The following NMBR variants were observed in gnomAD, a reference collection of about 807,000 sequenced individuals.
The protein encoded by NMBR is neuromedin-B receptor.
In NMBR, 16 loss-of-function variants were observed where a neutral mutation model predicts 20.5. That is an observed-to-expected ratio of 0.78 (90% CI 0.53 to 1.19). The LOEUF is 1.19. Ranked by LOEUF, NMBR falls within the 50% of genes most tolerant of loss-of-function variation. NMBR has a pLI of 0.00. For missense variants in NMBR, 582 were observed against 499.1 expected, an observed-to-expected ratio of 1.17 and a Z score of -1.58; for synonymous variants, 212 against 196.6, an observed-to-expected ratio of 1.08 and a Z score of -0.65.
intron 1 of NMBR, among the ~76,000 whole-genome samples, chr6:142,112,413 T>C (rs1423766444): frequency 2.6e-5 from 4 of 151,450 alleles, no homozygotes; most frequent in African/African-American, 9.7e-5. Flanking sequence ...AGATGCTTTA[T>C]TTTTTTCAAA....
intron 1 of NMBR, among the ~76,000 whole-genome samples, chr6:142,092,491 G>C (rs1028307447): frequency 2.6e-5 from 4 of 152,164 alleles, no homozygotes; most frequent in African/African-American, 9.6e-5. Context: ...TGAGACCACG[G>C]GGGTGGGAAG....
intron 1 of NMBR, among the ~76,000 whole-genome samples, chr6:142,105,120 C>G (rs1017693575): frequency 7.4e-6 from 1 of 135,182 alleles, no homozygotes; most frequent in Non-Finnish European, 1.5e-5. Context: ...GGGAATATCA[C>G]AAAGTACATT....
Position 142,103,439 on chromosome 6 carries a change from T to C in NMBR, c.-663-14118A>G, listed in dbSNP as rs192422813. 6.6e-4 allele frequency among the ~76,000 whole-genome samples: 101 copies of C among 152,306 alleles called. 1 individual carries two copies. In the East Asian group the frequency reaches 0.018, roughly 28 times the overall value. ...TTTTAAAACCCAGGAATGAGTTTGA[T>C]AACCAAACATTGGTCAAAAACTATT... On this transcript the variant is annotated intron_variant, in intron 1 of 3. Coordinates refer to ENST00000258042, the MANE Select transcript of NMBR (RefSeq NM_002511.4).
intron 1 of NMBR, among the ~76,000 whole-genome samples, chr6:142,135,376 C>A (rs987631604): frequency 4.6e-5 from 7 of 151,932 alleles, no homozygotes; most frequent in African/African-American, 1.7e-4. Context: ...TAAAATATAA[C>A]TTATTAAGCA....
At chr6:142,087,752 A>G (rs952117238) in intron 2 of NMBR, among the ~76,000 whole-genome samples, 2 of 152,236 alleles carry the variant, frequency 1.3e-5, no homozygotes, top group African/African-American at 4.8e-5. Flanking sequence ...CAGTTAATAA[A>G]TTTAAGTAAG....
chr6:142,130,133 T>G (rs1009276283), intron 1 of NMBR, among the ~76,000 whole-genome samples: 1 of 152,166 alleles, frequency 6.6e-6, no homozygotes, highest in African/African-American at 2.4e-5. Context: ...AGGTGCTATG[T>G]ACCCCAATAA....
intron 1 of NMBR, among the ~76,000 whole-genome samples, chr6:142,099,727 A>G (rs1001232487): frequency 6.6e-6 from 1 of 152,198 alleles, no homozygotes; most frequent in African/African-American, 2.4e-5. Flanking sequence ...TCAAAACTAA[A>G]AATTCTGCTT....
chr6:142,109,296 A>C (rs917638861), intron 1 of NMBR, among the ~76,000 whole-genome samples: 1 of 151,890 alleles, frequency 6.6e-6, no homozygotes, highest in Non-Finnish European at 1.5e-5. Context: ...TTTCCCTTCC[A>C]CACTTGCACC....
chr6:142,123,074 A>G (rs1008011753), intron 1 of NMBR, among the ~76,000 whole-genome samples: 1 of 151,990 alleles, frequency 6.6e-6, no homozygotes, highest in African/African-American at 2.4e-5. Flanking sequence ...AATTGAAAAT[A>G]TTTTGGAAAG....
chr6:142,126,375 G>T (rs779796272), intron 1 of NMBR, among the ~76,000 whole-genome samples: 10 of 151,762 alleles, frequency 6.6e-5, no homozygotes, highest in Non-Finnish European at 1.5e-4. Flanking sequence ...GAACACTGGG[G>T]TGCAGATAGC....
chr6:142,118,629 C>T (rs1777892106), intron 1 of NMBR, among the ~76,000 whole-genome samples: 1 of 151,992 alleles, frequency 6.6e-6, no homozygotes, highest in Admixed American at 6.6e-5. Flanking sequence ...TTTAGGAACA[C>T]ATGTATTATA....
At chr6:142,095,815 T>A (rs1777438449) in intron 1 of NMBR, among the ~76,000 whole-genome samples, 1 of 152,212 alleles carries the variant, frequency 6.6e-6, no homozygotes, top group South Asian at 2.1e-4. Flanking sequence ...TATTAATTAT[T>A]GCCTCAATTT....
intron 1 of NMBR, among the ~76,000 whole-genome samples, chr6:142,132,138 G>A (rs1775498620): frequency 6.6e-6 from 1 of 152,162 alleles, no homozygotes. Flanking sequence ...ACAAATACAT[G>A]TATCATGCAG....
Position 142,075,393 on chromosome 6 carries a change from A to ATG in NMBR, c.*253_*254dup, listed in dbSNP as rs907843418. 6.6e-6 allele frequency among the ~76,000 whole-genome samples: 1 copy of ATG among 152,072 alleles called. No individual in the cohort carries two copies. Among genetic ancestry groups the ATG allele is most frequent in the Non-Finnish European group, 1.5e-5 (1 of 68,004 alleles). On this transcript the variant is annotated 3_prime_UTR_variant, in exon 4 of 4. Transcript: ENST00000258042. ...ATATATATAATGTACATGTGTGTACATGTGTGTGTGCAAATACATATATAT... is the reference window on the plus strand; with the variant it reads ...ATATATATAATGTACATGTGTGTACATGTGTGTGTGTGCAAATACATATATAT...
At chr6:142,101,482 G>A (rs758575220) in intron 1 of NMBR, among the ~76,000 whole-genome samples, 16 of 152,072 alleles carry the variant, frequency 1.1e-4, no homozygotes, top group Non-Finnish European at 2.1e-4. Context: ...GGTTTTTTAA[G>A]GTTAGAACAA....
chr6:142,076,885 C>T (rs945080945), intron 3 of NMBR, among the ~76,000 whole-genome samples: 16 of 152,136 alleles, frequency 1.1e-4, no homozygotes, highest in Non-Finnish European at 1.9e-4. Context: ...TGAGTGAATA[C>T]TACTGGTCGT....
At chr6:142,086,653 C>G (rs989978556) in intron 2 of NMBR, among the ~76,000 whole-genome samples, 1 of 152,024 alleles carries the variant, frequency 6.6e-6, no homozygotes, top group South Asian at 2.1e-4. Flanking sequence ...AGTATTCATC[C>G]TGTATTCACA....
intron 1 of NMBR, among the ~76,000 whole-genome samples, chr6:142,122,556 C>A (rs1332832302): frequency 1.3e-5 from 2 of 151,904 alleles, no homozygotes; most frequent in African/African-American, 4.8e-5. Flanking sequence ...GGAAAAGATG[C>A]CATCTAAAAC....
At chr6:142,093,753 G>C (rs948081359) in intron 1 of NMBR, among the ~76,000 whole-genome samples, 12 of 152,094 alleles carry the variant, frequency 7.9e-5, no homozygotes, top group African/African-American at 2.7e-4. Flanking sequence ...GGTTGAACTA[G>C]TTTACAGTCC....
Sources: allele counts gnomAD v4.1 joint callset (sites outside exome capture counted in the v4.1 genomes callset), GRCh38; gene constraint gnomAD v4.1.1; transcripts MANE v1.5; gene names NCBI Gene and HGNC (gene_info 2026-07-23, HGNC 2026-07-21).